UCHL3: variants seen among roughly 807,000 people sequenced by gnomAD.
The protein encoded by UCHL3 is ubiquitin carboxyl-terminal hydrolase isozyme L3.
A neutral mutation model predicts 35.8 loss-of-function variants in UCHL3; 22 were observed. That is an observed-to-expected ratio of 0.61 (90% CI 0.44 to 0.88). The LOEUF (loss-of-function observed/expected upper bound fraction) is 0.88, where lower values mean the gene tolerates loss of function less well. UCHL3 is among the 40% of genes least tolerant of loss of function. The pLI is 0.00. For synonymous variants in UCHL3, 90 were observed against 92.8 expected (o/e 0.97, Z 0.17); for missense variants, 229 against 276.9 (o/e 0.83, Z 1.23).
At position 75,570,917 on chromosome 13, in the gene UCHL3, A is replaced by AAT. The variant is rs1282900068; in HGVS notation, c.474+1423_474+1424dup. Among the ~76,000 whole-genome samples, 1,154 of 151,542 alleles carry AAT rather than the reference A, an allele frequency of 7.6e-3. 16 individuals carry two copies. Among genetic ancestry groups the AAT allele is most frequent in the African/African-American group, 0.025 (1,042 of 41,310 alleles). On this transcript the variant is annotated intron_variant, in intron 6 of 8. Coordinates refer to ENST00000377595, the MANE Select transcript of UCHL3 (RefSeq NM_006002.5). ...ACAGAGCAGGACCCTGTCTCTATAA[A>AAT]ATATATATATATATTGGTTGCTCTA...
At position 75,560,718 on chromosome 13, in the gene UCHL3, T is replaced by C. The variant is rs775199846; in HGVS notation, c.55-35T>C. On this transcript the variant is annotated intron_variant, in intron 2 of 8. Coordinates refer to ENST00000377595, the MANE Select transcript of UCHL3 (RefSeq NM_006002.5). ...CTAGTTTTCTTTTACCAACTAATGTTCCATTGTTTTTTTTTTCTTTCTTTC... is the reference window on the plus strand; with the variant it reads ...CTAGTTTTCTTTTACCAACTAATGTCCCATTGTTTTTTTTTTCTTTCTTTC... 2.6e-6 allele frequency: 4 copies of C among 1,568,440 alleles called. No homozygotes were observed. The South Asian group carries it at 4.8e-5, about 19-fold the overall frequency.
chr13:75,557,868 A>G (rs529915423), intron 2 of UCHL3, among the ~76,000 whole-genome samples: 2 of 152,152 alleles, frequency 1.3e-5, no homozygotes, highest in Non-Finnish European at 2.9e-5. Flanking sequence ...CTAACATTTT[A>G]GAAAATTTCC....
intron 2 of UCHL3, among the ~76,000 whole-genome samples, chr13:75,555,550 C>T (rs1264196790): frequency 2.0e-5 from 3 of 152,184 alleles, no homozygotes; most frequent in Non-Finnish European, 2.9e-5. Flanking sequence ...ATCTTTAATG[C>T]GGTCATGAAT....
chr13:75,550,325 C>A (rs2031040914), intron 2 of UCHL3, among the ~76,000 whole-genome samples: 1 of 152,130 alleles, frequency 6.6e-6, no homozygotes, highest in Admixed American at 6.5e-5. Context: ...CATAATTTTC[C>A]TACCGGTGTA....
At chr13:75,594,800 T>C (rs2032600783) in intron 6 of UCHL3, 115 bp from the exon 7 acceptor site, 1 of 793,568 alleles carries the variant, frequency 1.3e-6, no homozygotes, top group Non-Finnish European at 2.0e-6. Flanking sequence ...CCTTGAATTA[T>C]ATTGGATAAA....
chr13:75,581,201 T>C (rs1047830718), intron 6 of UCHL3, among the ~76,000 whole-genome samples: 1 of 150,062 alleles, frequency 6.7e-6, no homozygotes, highest in African/African-American at 2.5e-5. Context: ...TACATGGTTA[T>C]AAGGATATTT....
chr13:75,586,942 C>G (rs1480375158), intron 6 of UCHL3, among the ~76,000 whole-genome samples: 4 of 139,284 alleles, frequency 2.9e-5, no homozygotes, highest in Non-Finnish European at 6.1e-5. Flanking sequence ...TAGAGGGAAA[C>G]TATAGTATTA....
At chr13:75,597,539 A>G (rs1408954052) in intron 7 of UCHL3, among the ~76,000 whole-genome samples, 3 of 152,250 alleles carry the variant, frequency 2.0e-5, no homozygotes, top group African/African-American at 4.8e-5. Flanking sequence ...TGAAAACAAC[A>G]TAACAACTAT....
At chr13:75,573,988 C>G (rs569395312) in intron 6 of UCHL3, among the ~76,000 whole-genome samples, 1 of 152,118 alleles carries the variant, frequency 6.6e-6, no homozygotes, top group Non-Finnish European at 1.5e-5. Context: ...GAGGCCGAGG[C>G]GGGCAGATCA....
chr13:75,595,631 C>T (rs796152821), intron 7 of UCHL3, among the ~76,000 whole-genome samples: 5 of 93,160 alleles, frequency 5.4e-5, no homozygotes, highest in South Asian at 3.5e-4. Flanking sequence ...AAAAAAAGAG[C>T]GTAATAGTTG....
chr13:75,603,612 A>G lies in UCHL3; in HGVS notation c.551-1157A>G, dbSNP rs1278407362. ...ATAATACAAAATGGGGTGGCACATA[A>G]TGAATGTGATAGTCATATAAACATA... On this transcript the variant is annotated intron_variant, in intron 7 of 8. Transcript: ENST00000377595. Among the ~76,000 whole-genome samples, 6 of 152,358 alleles carry G rather than the reference A, an allele frequency of 3.9e-5. No homozygotes were observed. The East Asian group carries it at 9.6e-4, about 24-fold the overall frequency.
At chr13:75,584,461 A>G (rs2032269228) in intron 6 of UCHL3, among the ~76,000 whole-genome samples, 1 of 152,218 alleles carries the variant, frequency 6.6e-6, no homozygotes, top group African/African-American at 2.4e-5. Context: ...CAAGGTAATC[A>G]TAGCAACAAT....
chr13:75,598,730 T>A (rs997502355), intron 7 of UCHL3, among the ~76,000 whole-genome samples: 1 of 152,186 alleles, frequency 6.6e-6, no homozygotes, highest in Non-Finnish European at 1.5e-5. Context: ...ACTGGTGATG[T>A]TTAGTGACTT....
At chr13:75,578,786 G>C (rs1224702764) in intron 6 of UCHL3, among the ~76,000 whole-genome samples, 1 of 151,910 alleles carries the variant, frequency 6.6e-6, no homozygotes, top group Non-Finnish European at 1.5e-5. Flanking sequence ...TTGACCACTG[G>C]GGTAAACAGT....
chr13:75,579,236 G>A (rs118165555), intron 6 of UCHL3, among the ~76,000 whole-genome samples: 11 of 152,090 alleles, frequency 7.2e-5, no homozygotes, highest in Non-Finnish European at 1.0e-4. Flanking sequence ...TTAAGTTGCC[G>A]ATTATCTTGT....
At chr13:75,587,233 T>C (rs2032351813) in intron 6 of UCHL3, among the ~76,000 whole-genome samples, 1 of 151,988 alleles carries the variant, frequency 6.6e-6, no homozygotes, top group Admixed American at 6.6e-5. Flanking sequence ...TAGAAAATGA[T>C]TTATTAAAAA....
intron 6 of UCHL3, among the ~76,000 whole-genome samples, chr13:75,575,941 G>T (rs142418200): frequency 6.6e-6 from 1 of 151,696 alleles, no homozygotes; most frequent in South Asian, 2.1e-4. Context: ...TAGTAGAGAC[G>T]GGGTTTTGCC....
At chr13:75,566,630 TAC>T in intron 3 of UCHL3, 63 bp from the exon 4 acceptor site, 1 of 1,061,352 alleles carries the variant, frequency 9.4e-7, no homozygotes, top group South Asian at 3.2e-5. Context: ...TTTTTTCTTT[TAC>T]AGACTGAGTT....
At chr13:75,570,494 C>T (rs922607102) in intron 6 of UCHL3, among the ~76,000 whole-genome samples, 26 of 152,148 alleles carry the variant, frequency 1.7e-4, no homozygotes, top group African/African-American at 6.3e-4. Context: ...TCTCAGCCTC[C>T]CATAGTGCTG....
Sources: allele counts gnomAD v4.1 joint callset (sites outside exome capture counted in the v4.1 genomes callset), GRCh38; gene constraint gnomAD v4.1.1; transcripts MANE v1.5; gene names NCBI Gene and HGNC (gene_info 2026-07-23, HGNC 2026-07-21).